HECW1: variants seen among roughly 807,000 people sequenced by gnomAD.
HECW1 encodes HECT, C2 and WW domain containing E3 ubiquitin protein ligase 1, also known as E3 ubiquitin-protein ligase HECW1.
HECW1 carries 61 observed loss-of-function variants against 182.3 expected under a neutral mutation model. The observed-to-expected ratio is 0.33, with a 90% confidence interval of 0.27 to 0.41. HECW1 has a LOEUF of 0.41. HECW1 is among the 10% of genes least tolerant of loss of function. The pLI is 1.00. For synonymous variants in HECW1, 859 were observed against 832.6 expected (o/e 1.03, Z -0.55); for missense variants, 1,739 against 2,108.9 (o/e 0.82, Z 3.44).
intron 9 of HECW1, chr7:43,439,696 C>A (rs1234899708): frequency 6.5e-6 from 1 of 152,724 alleles, no homozygotes; most frequent in African/African-American, 2.4e-5. Flanking sequence ...ATGCTGAGTT[C>A]TCTCCTAAGT....
intron 3 of HECW1, among the ~76,000 whole-genome samples, chr7:43,301,978 T>C (rs1283504616): frequency 6.6e-6 from 1 of 152,072 alleles, no homozygotes; most frequent in Non-Finnish European, 1.5e-5. Context: ...TATAAGAATT[T>C]AAAAGAGAGC....
rs2076922541 is a variant in HECW1, at chr7:43,442,578, G to C, written c.994G>C (p.Val332Leu). Residue 332 changes from valine to leucine, a missense_variant, in exon 10 of 30, where the codon GTG becomes CTG. Val to Leu is a conservative substitution (Grantham distance 32). Transcript: ENST00000395891. ...TLGRRLPTDH[V>L]SGQLQFRFEI... is the part of the protein sequence containing the mutation. ...TGGCCGCAGGCTTCCAACAGATCAT[G>C]TGAGTGGACAGCTGCAATTCCGATT... 6.2e-7 allele frequency: 1 copy of C among 1,613,956 alleles called. No homozygotes were observed. The highest frequency in any genetic ancestry group is 1.7e-5 in the Admixed American group (1 of 59,996).
At chr7:43,284,877 A>G (rs1804418188) in intron 3 of HECW1, among the ~76,000 whole-genome samples, 1 of 152,140 alleles carries the variant, frequency 6.6e-6, no homozygotes, top group East Asian at 1.9e-4. Flanking sequence ...GAAACACCCA[A>G]GGTTGCAGAT....
chr7:43,531,351 G>C (rs1468537254), intron 24 of HECW1, among the ~76,000 whole-genome samples: 1 of 152,126 alleles, frequency 6.6e-6, no homozygotes, highest in East Asian at 1.9e-4. Context: ...CTGTGGTGAT[G>C]AGATACTGCA....
chr7:43,201,381 T>A (rs929392817), intron 2 of HECW1, among the ~76,000 whole-genome samples: 2 of 152,152 alleles, frequency 1.3e-5, no homozygotes, highest in African/African-American at 4.8e-5. Flanking sequence ...GAGAATTACC[T>A]CTGTGCATGT....
chr7:43,410,308 G>A (rs867319425), intron 8 of HECW1, among the ~76,000 whole-genome samples: 6 of 152,200 alleles, frequency 3.9e-5, no homozygotes, highest in Admixed American at 6.5e-5. Context: ...GCAGATGGCT[G>A]CCTTCTTGCT....
At chr7:43,381,342 G>A (rs1268924641) in intron 6 of HECW1, among the ~76,000 whole-genome samples, 1 of 152,036 alleles carries the variant, frequency 6.6e-6, no homozygotes, top group African/African-American at 2.4e-5. Context: ...CTTCTTGGAG[G>A]CAAGAGTCTT....
chr7:43,273,049 C>T (rs1802608564), intron 3 of HECW1, among the ~76,000 whole-genome samples: 1 of 152,170 alleles, frequency 6.6e-6, no homozygotes, highest in Admixed American at 6.5e-5. Flanking sequence ...GCCATTAATA[C>T]TAAGCAAATT....
At chr7:43,351,961 G>C (rs2152806769) in intron 5 of HECW1, among the ~76,000 whole-genome samples, 1 of 152,228 alleles carries the variant, frequency 6.6e-6, no homozygotes, top group South Asian at 2.1e-4. Flanking sequence ...AATCGTAAGG[G>C]AATTACCAGA....
At chr7:43,197,755 G>C (rs1400931209) in intron 2 of HECW1, among the ~76,000 whole-genome samples, 1 of 152,092 alleles carries the variant, frequency 6.6e-6, no homozygotes, top group Non-Finnish European at 1.5e-5. Flanking sequence ...ACCGCTTCCA[G>C]GACTGGCAAC....
At chr7:43,336,797 TG>T (rs58597019) in intron 5 of HECW1, among the ~76,000 whole-genome samples, 1 of 152,296 alleles carries the variant, frequency 6.6e-6, no homozygotes, top group African/African-American at 2.4e-5. Context: ...TTAAAGCATG[TG>T]ATGCTTGATT....
chr7:43,565,478 G>T lies in HECW1; in HGVS notation c.*3552G>T, dbSNP rs888166382. 3.2e-5 allele frequency: 6 copies of T among 189,262 alleles called. No individual in the cohort carries two copies. Among genetic ancestry groups the T allele is most frequent in the Non-Finnish European group, 5.5e-5 (5 of 90,170 alleles). The allele number at this position is 189,262 out of a possible 1,614,324, so 11.7% of individuals were successfully genotyped here. Reference sequence around the variant, plus strand: ...AAAATTTGGGTTCGGAAATTTCTCAGTTGCCACAAATATTTTCCCAGTCAA... The same window carrying T: ...AAAATTTGGGTTCGGAAATTTCTCATTTGCCACAAATATTTTCCCAGTCAA... On this transcript the variant is annotated 3_prime_UTR_variant, in exon 30 of 30. Transcript: ENST00000395891.
At chr7:43,348,785 C>T (rs1411984055) in intron 5 of HECW1, among the ~76,000 whole-genome samples, 1 of 152,120 alleles carries the variant, frequency 6.6e-6, no homozygotes, top group Non-Finnish European at 1.5e-5. Context: ...CATTCAGGAG[C>T]AGTTTATTTA....
chr7:43,395,984 A>G (rs1489224204), intron 6 of HECW1, among the ~76,000 whole-genome samples: 2 of 152,212 alleles, frequency 1.3e-5, no homozygotes, highest in Non-Finnish European at 2.9e-5. Flanking sequence ...AGTACAGATT[A>G]CCTTCTAAAA....
Position 43,445,548 on chromosome 7 carries a change from A to G in HECW1, c.2376A>G (p.Ala792=). ...CGGAAGGTCTGGAATCCCCCGTGGCAGGTCCAAGCAATCGGAGAGAAGGTT... is the reference window on the plus strand; with the variant it reads ...CGGAAGGTCTGGAATCCCCCGTGGCGGGTCCAAGCAATCGGAGAGAAGGTT... ...RSPEGLESPV[A]GPSNRREGEC... is the part of the protein sequence containing the mutation. The change falls in exon 11 of 30, where the codon GCA becomes GCG. Residue 792 remains alanine (A), a synonymous_variant. Coordinates refer to ENST00000395891, the MANE Select transcript of HECW1 (RefSeq NM_015052.5). The G allele has an allele frequency of 6.3e-7, 1 of 1,597,076 alleles. No individual in the cohort carries two copies. The highest frequency in any genetic ancestry group is 1.1e-5 in the South Asian group (1 of 90,190).
At chr7:43,224,276 G>T (rs559526511) in intron 2 of HECW1, among the ~76,000 whole-genome samples, 4 of 152,228 alleles carry the variant, frequency 2.6e-5, no homozygotes, top group Non-Finnish European at 5.9e-5. Flanking sequence ...CATGCCAGGA[G>T]TTGGGGAATA....
intron 24 of HECW1, among the ~76,000 whole-genome samples, chr7:43,526,030 A>C (rs2080743644): frequency 6.6e-6 from 1 of 152,230 alleles, no homozygotes; most frequent in Non-Finnish European, 1.5e-5. Context: ...ACAATAAAGC[A>C]TCATAGAACA....
intron 19 of HECW1, among the ~76,000 whole-genome samples, chr7:43,500,240 C>T (rs562746750): frequency 1.3e-5 from 2 of 152,146 alleles, no homozygotes; most frequent in South Asian, 4.2e-4. Context: ...GCTGGGATTA[C>T]AGGCAGGCAA....
intron 2 of HECW1, among the ~76,000 whole-genome samples, chr7:43,227,596 A>G (rs1239046984): frequency 6.6e-6 from 1 of 152,186 alleles, no homozygotes; most frequent in Non-Finnish European, 1.5e-5. Context: ...TAATTCATAT[A>G]TAGTTTATGA....
Sources: allele counts gnomAD v4.1 joint callset (sites outside exome capture counted in the v4.1 genomes callset), GRCh38; gene constraint gnomAD v4.1.1; transcripts MANE v1.5; gene names NCBI Gene and HGNC (gene_info 2026-07-23, HGNC 2026-07-21).